CFAP99: variants seen among roughly 807,000 people sequenced by gnomAD.
CFAP99 encodes the protein cilia- and flagella-associated protein 99.
Under a neutral mutation model 82.7 loss-of-function variants are expected in CFAP99, and 84 were observed. The ratio of observed to expected loss-of-function variants is 1.02; its 90% CI spans 0.85 to 1.22. CFAP99 has a LOEUF of 1.22. Among genes scored for constraint, CFAP99 ranks in the 50% most tolerant of loss-of-function variants. The pLI, the probability that CFAP99 is intolerant of heterozygous loss-of-function variation, is 0.00. For missense variants in CFAP99, 1,059 were observed against 983.5 expected (o/e 1.08, Z -1.03); for synonymous variants, 456 against 429.5 (o/e 1.06, Z -0.76).
At chr4:2,443,781 TCTC>T (rs1172368526) in intron 5 of CFAP99, among the ~76,000 whole-genome samples, 1 of 152,030 alleles carries the variant, frequency 6.6e-6, no homozygotes, top group Non-Finnish European at 1.5e-5. Flanking sequence ...CTTGCTGCCT[TCTC>T]CTGCCTCCCC....
At chr4:2,452,305 A>G in exon 11 of CFAP99, 3 of 1,535,330 alleles carry the variant, frequency 2.0e-6, no homozygotes, top group Non-Finnish European at 1.7e-6. Flanking sequence ...GCAGAGCCTC[A>G]TGCAGGAGAA....
At position 2,459,206 on chromosome 4, in the gene CFAP99, G is replaced by A. The variant is rs846179; in HGVS notation, c.1403G>A (p.Arg468His). 28 of 1,535,594 alleles carry A rather than the reference G, an allele frequency of 1.8e-5. 1 individual carries two copies. In the South Asian group the frequency reaches 2.3e-4, roughly 12 times the overall value. ...CGTTGTGAACTCATCTCCCAGCTGC[G>A]CGCACTCGAGACACAGCCCACGCGC... Residue 468 changes from arginine to histidine, a missense_variant, in exon 13 of 15, where the codon CGC (arginine) becomes CAC (histidine). Coordinates refer to ENST00000635017, the Ensembl canonical transcript of CFAP99.
rs1418629375 is a variant in CFAP99, at chr4:2,450,363, C to A, written c.795+358C>A. On this transcript the variant is annotated intron_variant, in intron 8 of 14. Coordinates refer to ENST00000635017, the Ensembl canonical transcript of CFAP99. ...TAAAGAAAAAGCAAGGTAATGACGACAGGAGAGACTGTGCCTGGCGGGGCT... is the reference window on the plus strand; with the variant it reads ...TAAAGAAAAAGCAAGGTAATGACGAAAGGAGAGACTGTGCCTGGCGGGGCT... The A allele has an allele frequency of 2.7e-5, 9 of 335,490 alleles. No homozygotes were observed. The East Asian group carries it at 6.2e-4, about 23-fold the overall frequency. The allele number at this position is 335,490 out of a possible 1,614,324, so 20.8% of individuals were successfully genotyped here. A position where few individuals can be genotyped will look rare whatever the true frequency, so the allele number is the denominator to read the frequency against.
At chr4:2,441,872 C>T (rs1421341689) in intron 4 of CFAP99, among the ~76,000 whole-genome samples, 1 of 152,226 alleles carries the variant, frequency 6.6e-6, no homozygotes, top group Non-Finnish European at 1.5e-5. Flanking sequence ...CCACCATGGT[C>T]AGGAGTGGTG....
chr4:2,450,167 C>G (rs1734269962), intron 8 of CFAP99, 162 bp downstream of exon 8: 1 of 725,858 alleles, frequency 1.4e-6, no homozygotes, highest in Non-Finnish European at 2.3e-6. Context: ...GTGCCTTGAG[C>G]CCACTGCGAT....
At chr4:2,453,033 A>G (rs571682063) in intron 11 of CFAP99, among the ~76,000 whole-genome samples, 1 of 152,302 alleles carries the variant, frequency 6.6e-6, no homozygotes, top group East Asian at 1.9e-4. Flanking sequence ...ACTGCACTCC[A>G]TCCTGGGCGA....
Position 2,460,049 on chromosome 4 carries a change from G to A in CFAP99, c.1468G>A (p.Gly490Ser), listed in dbSNP as rs189333183. Reference sequence around the variant, plus strand: ...TACCACCCCACAGATCCCCGGCTACGGCCTGGAAGGAGAGATGTCCATAGT... The same window carrying A: ...TACCACCCCACAGATCCCCGGCTACAGCCTGGAAGGAGAGATGTCCATAGT... Residue 490 changes from glycine to serine, a missense_variant, in exon 14 of 15, where the codon GGC (glycine) becomes AGC (serine). Coordinates refer to ENST00000635017, the Ensembl canonical transcript of CFAP99. 9.0e-5 allele frequency: 138 copies of A among 1,535,890 alleles called. No individual in the cohort carries two copies. The highest frequency in any genetic ancestry group is 1.7e-4 in the Middle Eastern group (1 of 5,974).
intron 4 of CFAP99, among the ~76,000 whole-genome samples, chr4:2,439,521 C>T (rs141609323): frequency 6.6e-6 from 1 of 152,280 alleles, no homozygotes; most frequent in Non-Finnish European, 1.5e-5. Context: ...GACCTGGGAC[C>T]GGCGGCTCAC....
chr4:2,454,594 G>GT (rs1204498727), intron 11 of CFAP99, among the ~76,000 whole-genome samples: 997 of 84,414 alleles, frequency 0.012, 8 homozygotes, highest in African/African-American at 0.029. Context: ...TTTTTTTTTT[G>GT]TTTTTTTTTT....
intron 3 of CFAP99, among the ~76,000 whole-genome samples, chr4:2,437,666 G>T (rs546807353): frequency 6.6e-6 from 1 of 152,200 alleles, no homozygotes; most frequent in Admixed American, 6.5e-5. Context: ...CTTATGATGC[G>T]CAGCGCGTCC....
chr4:2,445,174 G>A (rs1446367497), exon 6 of CFAP99: 23 of 1,415,074 alleles, frequency 1.6e-5, no homozygotes, highest in African/African-American at 4.4e-5. Flanking sequence ...CCTGGAGGGC[G>A]TGTCTGCCAG....
At chr4:2,454,581 C>CTTTTTTTTTTTTTTTTTTTTTTTTTTTT (rs200727697) in intron 11 of CFAP99, among the ~76,000 whole-genome samples, 28 of 94,698 alleles carry the variant, frequency 3.0e-4, no homozygotes, top group Non-Finnish European at 4.2e-4. Flanking sequence ...TGTTTTTTTT[C>CTTTTTTTTTTTTTTTTTTTTTTTTTTTT]TTTTTTTTTT....
At chr4:2,438,187 C>T (rs1263073206) in intron 4 of CFAP99, 23 bp downstream of exon 4, 6 of 1,430,886 alleles carry the variant, frequency 4.2e-6, no homozygotes, top group Middle Eastern at 3.5e-4. Context: ...TACCTGCCCA[C>T]CAGGCCACGA....
intron 8 of CFAP99, among the ~76,000 whole-genome samples, chr4:2,450,549 C>T (rs1335512231): frequency 1.3e-5 from 2 of 152,208 alleles, no homozygotes; most frequent in Non-Finnish European, 2.9e-5. Context: ...GGTGCCCACC[C>T]TGGGATGTGT....
intron 6 of CFAP99, among the ~76,000 whole-genome samples, chr4:2,449,216 G>A (rs953028186): frequency 1.3e-5 from 2 of 151,932 alleles, no homozygotes; most frequent in African/African-American, 2.4e-5. Flanking sequence ...TGGTGCAGCC[G>A]CCCTGGCCTC....
chr4:2,456,837 C>G (rs1010741759), intron 11 of CFAP99, among the ~76,000 whole-genome samples: 1 of 152,004 alleles, frequency 6.6e-6, no homozygotes, highest in African/African-American at 2.4e-5. Flanking sequence ...GTTTTTTAAT[C>G]TGTTATCACT....
intron 8 of CFAP99, 130 bp from the exon 9 acceptor site, chr4:2,450,817 G>C: frequency 1.4e-6 from 1 of 714,878 alleles, no homozygotes; most frequent in South Asian, 1.6e-5. Context: ...GGGATGGGCA[G>C]CTGGGGGGAG....
chr4:2,423,386 G>A (rs1245166012), intron 1 of CFAP99, among the ~76,000 whole-genome samples: 5 of 152,222 alleles, frequency 3.3e-5, no homozygotes, highest in African/African-American at 4.8e-5. Context: ...CAAGCTTAAG[G>A]CCCTGCCCTG....
Position 2,462,533 on chromosome 4 carries a change from GGCGGCC to G in CFAP99, c.1754_1759del (p.Ala585_Ala586del), listed in dbSNP as rs1560392696. 2 of 1,471,974 alleles carry G rather than the reference GGCGGCC, an allele frequency of 1.4e-6. No individual in the cohort carries two copies. Among genetic ancestry groups the G allele is most frequent in the South Asian group, 2.6e-5 (2 of 77,632 alleles). The allele number at this position is 1,471,974 out of a possible 1,614,324, so 91.2% of individuals were successfully genotyped here. A position where few individuals can be genotyped will look rare whatever the true frequency, so the allele number is the denominator to read the frequency against. ...AGCTGCGGCGCAGGATCTCGGAGAG[GGCGGCC>G]GAGCGCAGCAGGCAGGCGGCCTTGC... On this transcript the variant is annotated inframe_deletion, in exon 15 of 15. Transcript: ENST00000635017. The surrounding 1 kb of genome is among the most constrained non-coding windows in gnomAD (Gnocchi z 4.1).
Sources: allele counts gnomAD v4.1 joint callset (sites outside exome capture counted in the v4.1 genomes callset), GRCh38; gene constraint gnomAD v4.1.1; non-coding constraint Gnocchi (gnomAD v3.1); transcripts MANE v1.5; gene names NCBI Gene and HGNC (gene_info 2026-07-23, HGNC 2026-07-21).